FBXO21: variants seen among roughly 807,000 people sequenced by gnomAD.
FBXO21 encodes F-box protein 21.
FBXO21 carries 32 observed loss-of-function variants against 76.6 expected under a neutral mutation model. That is an observed-to-expected ratio of 0.42 (90% CI 0.32 to 0.56). The LOEUF is 0.56. Ranked by LOEUF, FBXO21 falls within the 20% of genes least tolerant of loss-of-function variation. FBXO21 has a pLI of 0.16. For missense variants in FBXO21, 586 were observed against 797.3 expected (o/e 0.73, Z 3.19); for synonymous variants, 328 against 311.5 (o/e 1.05, Z -0.56).
At chr12:117,168,623 T>C (rs1956085779) in intron 7 of FBXO21, among the ~76,000 whole-genome samples, 1 of 152,180 alleles carries the variant, frequency 6.6e-6, no homozygotes, top group Non-Finnish European at 1.5e-5. Context: ...TCTTAAACTC[T>C]TTTTATGAGG....
intron 2 of FBXO21, among the ~76,000 whole-genome samples, chr12:117,186,809 AC>A (rs1956287611): frequency 6.6e-6 from 1 of 152,228 alleles, no homozygotes; most frequent in Admixed American, 6.5e-5. Flanking sequence ...TCTGAAACTG[AC>A]AACTCACAGT....
At chr12:117,158,880 T>A (rs1955946393) in intron 9 of FBXO21, among the ~76,000 whole-genome samples, 1 of 152,198 alleles carries the variant, frequency 6.6e-6, no homozygotes, top group African/African-American at 2.4e-5. Context: ...GACACAGACA[T>A]ACAATTATTT....
chr12:117,152,100 C>CA (rs1226715688), intron 11 of FBXO21, among the ~76,000 whole-genome samples: 2 of 151,830 alleles, frequency 1.3e-5, no homozygotes, highest in African/African-American at 4.8e-5. Flanking sequence ...AATCAGGACT[C>CA]AGACTTCACT....
chr12:117,190,061 TC>T (rs991206851), intron 1 of FBXO21, among the ~76,000 whole-genome samples, 156 bp downstream of exon 1: 9 of 150,882 alleles, frequency 6.0e-5, no homozygotes, highest in African/African-American at 2.2e-4. Flanking sequence ...CCCCGCAGGG[TC>T]CGGGGCCTGG....
At chr12:117,172,261 C>T (rs1592887687) in intron 7 of FBXO21, among the ~76,000 whole-genome samples, 1 of 152,104 alleles carries the variant, frequency 6.6e-6, no homozygotes, top group South Asian at 2.1e-4. Context: ...CCCAGTCTCC[C>T]CTGATGGTAC....
In FBXO21 at chr12:117,190,370, G is replaced by A; in HGVS notation, c.87C>T (p.Cys29=). Residue 29 remains cysteine (C), a synonymous_variant, in exon 1 of 12, where the codon TGC becomes TGT. Transcript: ENST00000622495. ...GCACCTCACCCGGCAGGTTGACGAG[G>A]CAGCTGAGGCCCGCTACCTCCGGCG... is the stretch of plus-strand genomic sequence containing the variant. ...EAAPEVAGLS[C]LVNLPGEVLE... is the part of the protein sequence containing the mutation. The A allele has an allele frequency of 6.6e-7, 1 of 1,522,536 alleles. No homozygotes were observed. Among genetic ancestry groups the A allele is most frequent in the Non-Finnish European group, 8.7e-7 (1 of 1,144,370 alleles). The allele number at this position is 1,522,536 out of a possible 1,614,324, so 94.3% of individuals were successfully genotyped here.
In FBXO21 at chr12:117,190,307, G is replaced by T; in HGVS notation, c.150C>A (p.Ala50=). The change falls in exon 1 of 12, where the codon GCC becomes GCA. Residue 50 remains alanine, a synonymous_variant. Transcript: ENST00000622495. ...YILCCGSLTA[A]DIGRVSSTCR... is the part of the protein sequence containing the mutation. ...AGGTGCTGGAGACACGGCCGATGTC[G>T]GCGGCCGTCAGCGAGCCGCAGCACA... is the stretch of plus-strand genomic sequence containing the variant. The T allele has an allele frequency of 6.5e-7, 1 of 1,530,796 alleles. No homozygotes were observed. The highest frequency in any genetic ancestry group is 8.7e-7 in the Non-Finnish European group (1 of 1,149,958). 94.8% of individuals were successfully genotyped at this position (1,530,796 alleles called of 1,614,324 possible). A position where few individuals can be genotyped will look rare whatever the true frequency, so the allele number is the denominator to read the frequency against.
chr12:117,157,052 G>A (rs1355163363), intron 10 of FBXO21, among the ~76,000 whole-genome samples: 9 of 152,002 alleles, frequency 5.9e-5, no homozygotes, highest in African/African-American at 2.2e-4. Flanking sequence ...GCGTGGTGGT[G>A]TGCGCCTGTA....
chr12:117,172,353 C>A lies in FBXO21; in HGVS notation c.1013+118G>T, dbSNP rs1022990837. On this transcript the variant is annotated intron_variant, in intron 7 of 11. Transcript: ENST00000622495. ...GGAAACAAAACAGTTCCATCACCAC[C>A]CTAGTCCTATTTTTAACCTGTGTGG... 3 of 1,112,382 alleles carry A rather than the reference C, an allele frequency of 2.7e-6. No homozygotes were observed. In the African/African-American group the frequency reaches 4.7e-5, roughly 17 times the overall value. The allele number at this position is 1,112,382 out of a possible 1,614,324, so 68.9% of individuals were successfully genotyped here.
intron 6 of FBXO21, among the ~76,000 whole-genome samples, chr12:117,173,931 G>A (rs1956144758): frequency 6.6e-6 from 1 of 152,064 alleles, no homozygotes; most frequent in Non-Finnish European, 1.5e-5. Flanking sequence ...ATCACTTGAG[G>A]CCAGGAGTTT....
At chr12:117,176,115 G>C (rs886505705) in intron 4 of FBXO21, among the ~76,000 whole-genome samples, 1 of 152,120 alleles carries the variant, frequency 6.6e-6, no homozygotes, top group Non-Finnish European at 1.5e-5. Flanking sequence ...AGCATTGTGA[G>C]GTATACAGTG....
At position 117,190,247 on chromosome 12, in the gene FBXO21, C is replaced by A; in HGVS notation, c.210G>T (p.Gly70=). Reference sequence around the variant, plus strand: ...CCCGGAACTGCTCCTTCCACACCTTCCCGCTGCTCTGGCACAGCTCGCGCA... The same window carrying A: ...CCCGGAACTGCTCCTTCCACACCTTACCGCTGCTCTGGCACAGCTCGCGCA... ...RRLRELCQSS[G]KVWKEQFRVR... Residue 70 remains glycine (G), a synonymous_variant, in exon 1 of 12, where the codon GGG becomes GGT. Transcript: ENST00000622495. 6.5e-7 allele frequency: 1 copy of A among 1,542,106 alleles called. No individual in the cohort carries two copies. Among genetic ancestry groups the A allele is most frequent in the Non-Finnish European group, 8.7e-7 (1 of 1,154,522 alleles).
chr12:117,164,122 C>T (rs1195336417), intron 9 of FBXO21, among the ~76,000 whole-genome samples: 1 of 150,892 alleles, frequency 6.6e-6, no homozygotes, highest in Admixed American at 6.6e-5. Flanking sequence ...AATTAAAATA[C>T]ATAAATAAAA....
At position 117,172,371 on chromosome 12, in the gene FBXO21, C is replaced by A. The variant is rs1592887739; in HGVS notation, c.1013+100G>T. On this transcript the variant is annotated intron_variant, in intron 7 of 11. Transcript: ENST00000622495. ...TCACCACCCTAGTCCTATTTTTAACCTGTGTGGTAACACCCAACTTGATGA... is the reference window on the plus strand; with the variant it reads ...TCACCACCCTAGTCCTATTTTTAACATGTGTGGTAACACCCAACTTGATGA... 5 of 1,352,576 alleles carry A rather than the reference C, an allele frequency of 3.7e-6. No individual in the cohort carries two copies. The East Asian group carries it at 9.3e-5, about 25-fold the overall frequency. The allele number at this position is 1,352,576 out of a possible 1,614,324, so 83.8% of individuals were successfully genotyped here.
At chr12:117,160,390 C>T (rs1225161660) in intron 9 of FBXO21, among the ~76,000 whole-genome samples, 1 of 152,140 alleles carries the variant, frequency 6.6e-6, no homozygotes, top group Non-Finnish European at 1.5e-5. Flanking sequence ...GGATCCGCTA[C>T]TTCTGGGGCT....
Position 117,144,133 on chromosome 12 carries a change from C to T in FBXO21, c.*1954G>A, listed in dbSNP as rs1419964499. The T allele has an allele frequency of 6.6e-6, 1 of 152,418 alleles. No homozygotes were observed. Among genetic ancestry groups the T allele is most frequent in the Non-Finnish European group, 1.5e-5 (1 of 68,020 alleles). The allele number at this position is 152,418 out of a possible 1,614,324, so 9.4% of individuals were successfully genotyped here. On this transcript the variant is annotated 3_prime_UTR_variant, in exon 12 of 12. Coordinates refer to ENST00000622495, the MANE Select transcript of FBXO21 (RefSeq NM_015002.3). ...TACAGCTGGGTCAGTAAAGGTAAAA[C>T]CATCTTTCTTGACTTTGATGTGTCT...
chr12:117,154,973 C>T (rs980857076), intron 11 of FBXO21: 1 of 152,196 alleles, frequency 6.6e-6, no homozygotes, highest in African/African-American at 2.4e-5. Context: ...GTTTCCTCAC[C>T]TAGAAAATGA....
Position 117,189,221 on chromosome 12 carries a change from C to G in FBXO21, c.375+6G>C, listed in dbSNP as rs746081410. ...AAAGCTTAGAGCCACATCAACAGATCCTTACGTGCTCTGAAAAGAACCTCT... is the reference window on the plus strand; with the variant it reads ...AAAGCTTAGAGCCACATCAACAGATGCTTACGTGCTCTGAAAAGAACCTCT... On this transcript the variant is annotated splice_donor_region_variant and intron_variant, in intron 2 of 11. Transcript: ENST00000622495. 6.2e-7 allele frequency: 1 copy of G among 1,614,182 alleles called. No individual in the cohort carries two copies. Among genetic ancestry groups the G allele is most frequent in the Non-Finnish European group, 8.5e-7 (1 of 1,180,040 alleles).
At chr12:117,161,167 C>A (rs971847275) in intron 9 of FBXO21, among the ~76,000 whole-genome samples, 1 of 152,018 alleles carries the variant, frequency 6.6e-6, no homozygotes, top group Non-Finnish European at 1.5e-5. Flanking sequence ...ACACAGGAAC[C>A]AGGGAAGGGG....
Sources: gnomAD v4.1 joint callset for allele counts (sites outside exome capture counted in the v4.1 genomes callset) on GRCh38, gnomAD v4.1.1 for gene constraint, MANE v1.5 for transcripts, NCBI Gene and HGNC (gene_info 2026-07-23, HGNC 2026-07-21) for gene names.